The following EIF4EBP2 variants were observed in gnomAD, a reference collection of about 807,000 sequenced individuals.
EIF4EBP2 encodes eukaryotic translation initiation factor 4E-binding protein 2.
EIF4EBP2 carries 5 observed loss-of-function variants against 10.3 expected under a neutral mutation model. That is an observed-to-expected ratio of 0.48 (90% CI 0.25 to 1.02). The LOEUF is 1.02. EIF4EBP2 is among the 50% of genes least tolerant of loss of function. The pLI, the probability that EIF4EBP2 is intolerant of heterozygous loss-of-function variation, is 0.15. For synonymous variants in EIF4EBP2, 67 were observed against 61.1 expected (o/e 1.10, Z -0.45); for missense variants, 188 against 162.2 (o/e 1.16, Z -0.86).
chr10:70,404,782 C>T (rs1194231326), intron 1 of EIF4EBP2, among the ~76,000 whole-genome samples: 1 of 152,236 alleles, frequency 6.6e-6, no homozygotes, highest in Non-Finnish European at 1.5e-5. Context: ...CGAAAAAGAG[C>T]TCTTGTTTCC....
In EIF4EBP2 at chr10:70,422,814, G is replaced by C. The variant is rs549736568; in HGVS notation, c.*1067G>C. 1.3e-5 allele frequency: 2 copies of C among 152,314 alleles called. No homozygotes were observed. The highest frequency in any genetic ancestry group is 4.8e-5 in the African/African-American group (2 of 41,562). The allele number at this position is 152,314 out of a possible 1,614,324, so 9.4% of individuals were successfully genotyped here. A position where few individuals can be genotyped will look rare whatever the true frequency, so the allele number is the denominator to read the frequency against. On this transcript the variant is annotated 3_prime_UTR_variant, in exon 3 of 3. Transcript: ENST00000373218. ...TTGCAGTTTCTTATGTTTTGAGTTT[G>C]AAGTTGATTTTCAGAATGTTCTTAG... is the stretch of plus-strand genomic sequence containing the variant.
chr10:70,421,080 C>G (rs2137232560), intron 2 of EIF4EBP2, among the ~76,000 whole-genome samples: 1 of 152,318 alleles, frequency 6.6e-6, no homozygotes. Context: ...CAGGTGTGAG[C>G]CACTGCGCCT....
chr10:70,418,538 A>G (rs1845121771), intron 1 of EIF4EBP2, among the ~76,000 whole-genome samples: 1 of 152,228 alleles, frequency 6.6e-6, no homozygotes, highest in African/African-American at 2.4e-5. Context: ...CTTAGGTCAC[A>G]ACATAGTATA....
chr10:70,415,875 A>C (rs1007454057), intron 1 of EIF4EBP2, among the ~76,000 whole-genome samples: 2 of 147,924 alleles, frequency 1.4e-5, no homozygotes, highest in Admixed American at 1.3e-4. Flanking sequence ...AAACAAAAGA[A>C]AAAAAAAAAA....
chr10:70,417,249 CTG>C (rs756360532), intron 1 of EIF4EBP2, among the ~76,000 whole-genome samples: 50 of 152,186 alleles, frequency 3.3e-4, no homozygotes, highest in South Asian at 3.1e-3. Context: ...TCACAAAAGA[CTG>C]TATTGTATGA....
At chr10:70,410,444 G>A (rs951996240) in intron 1 of EIF4EBP2, among the ~76,000 whole-genome samples, 1 of 152,198 alleles carries the variant, frequency 6.6e-6, no homozygotes, top group Non-Finnish European at 1.5e-5. Context: ...AGTGAATGTG[G>A]TTTGGCCACC....
chr10:70,405,503 T>A (rs1472251826), intron 1 of EIF4EBP2, among the ~76,000 whole-genome samples: 1 of 152,162 alleles, frequency 6.6e-6, no homozygotes, highest in African/African-American at 2.4e-5. Context: ...GGAAAGCGAT[T>A]TTGAGGAGCC....
intron 1 of EIF4EBP2, among the ~76,000 whole-genome samples, chr10:70,406,222 G>A (rs997518535): frequency 6.6e-6 from 1 of 152,088 alleles, no homozygotes; most frequent in Non-Finnish European, 1.5e-5. Context: ...TATTCGCCCC[G>A]TCAGCCTCCC....
chr10:70,411,695 C>G (rs1845048494), intron 1 of EIF4EBP2, among the ~76,000 whole-genome samples: 1 of 152,066 alleles, frequency 6.6e-6, no homozygotes. Context: ...GCTCAGATGA[C>G]CCTCTTGCCT....
intron 1 of EIF4EBP2, among the ~76,000 whole-genome samples, chr10:70,405,513 C>A (rs1237516222): frequency 2.0e-5 from 3 of 152,208 alleles, no homozygotes; most frequent in Non-Finnish European, 4.4e-5. Context: ...TTTGAGGAGC[C>A]TTATTGAAGG....
intron 1 of EIF4EBP2, among the ~76,000 whole-genome samples, chr10:70,416,918 C>T (rs1178676587): frequency 1.3e-5 from 2 of 152,094 alleles, no homozygotes; most frequent in African/African-American, 4.8e-5. Context: ...ACACGTTGGC[C>T]TCCCAAAGTG....
In EIF4EBP2 at chr10:70,416,100, G is replaced by A. The variant is rs550231948; in HGVS notation, c.146-3814G>A. On this transcript the variant is annotated intron_variant, in intron 1 of 2. Coordinates refer to ENST00000373218, the MANE Select transcript of EIF4EBP2 (RefSeq NM_004096.5). Reference sequence around the variant, plus strand: ...CAGTTTCTTCAAAAGAAGATATGTGGTGGAATGGCCTGTTAAGTACATGAA... The same window carrying A: ...CAGTTTCTTCAAAAGAAGATATGTGATGGAATGGCCTGTTAAGTACATGAA... Among the ~76,000 whole-genome samples, 3 of 152,254 alleles carry A rather than the reference G, an allele frequency of 2.0e-5. No individual in the cohort carries two copies. In the South Asian group the frequency reaches 6.2e-4, roughly 32 times the overall value.
chr10:70,405,337 CAG>C (rs531091001), intron 1 of EIF4EBP2, among the ~76,000 whole-genome samples: 5 of 152,238 alleles, frequency 3.3e-5, no homozygotes, highest in African/African-American at 1.2e-4. Context: ...AGAGGCAATC[CAG>C]AGAGAGGGTG....
intron 1 of EIF4EBP2, among the ~76,000 whole-genome samples, chr10:70,416,526 C>A (rs1171024936): frequency 6.7e-6 from 1 of 148,408 alleles, no homozygotes; most frequent in East Asian, 2.0e-4. Context: ...TTGCAGTGAG[C>A]CAAGATCATG....
chr10:70,426,121 A>T lies in EIF4EBP2; in HGVS notation c.*4374A>T, dbSNP rs1242646906. ...TTCTTAAATAACTGGTCTTGTGTTC[A>T]TGCTAAAGACAAACTTACATGAAGT... On this transcript the variant is annotated 3_prime_UTR_variant, in exon 3 of 3. Coordinates refer to ENST00000373218, the MANE Select transcript of EIF4EBP2 (RefSeq NM_004096.5). 6.6e-6 allele frequency: 1 copy of T among 152,248 alleles called. No individual in the cohort carries two copies. The highest frequency in any genetic ancestry group is 1.5e-5 in the Non-Finnish European group (1 of 68,050). 9.4% of individuals were successfully genotyped at this position (152,248 alleles called of 1,614,324 possible). A position where few individuals can be genotyped will look rare whatever the true frequency, so the allele number is the denominator to read the frequency against.
chr10:70,404,327 G>A lies in EIF4EBP2; in HGVS notation c.-75G>A. ...GCAGAGCGCGCTTTTCCGTCCGCCT[G>A]AGGAGCCGAAGCAGCCCCGGCCCCG... On this transcript the variant is annotated 5_prime_UTR_variant, in exon 1 of 3. Coordinates refer to ENST00000373218, the MANE Select transcript of EIF4EBP2 (RefSeq NM_004096.5). 2 of 1,452,996 alleles carry A rather than the reference G, an allele frequency of 1.4e-6. No homozygotes were observed. The highest frequency in any genetic ancestry group is 1.8e-6 in the Non-Finnish European group (2 of 1,107,168). 90.0% of individuals were successfully genotyped at this position (1,452,996 alleles called of 1,614,324 possible).
intron 1 of EIF4EBP2, among the ~76,000 whole-genome samples, chr10:70,408,215 C>G (rs1257853583): frequency 5.4e-5 from 8 of 148,994 alleles, no homozygotes; most frequent in Non-Finnish European, 1.2e-4. Flanking sequence ...GGCTGACCCC[C>G]CCACCTCCTT....
chr10:70,420,363 C>A (rs755578241), intron 2 of EIF4EBP2, among the ~76,000 whole-genome samples: 5 of 151,806 alleles, frequency 3.3e-5, no homozygotes, highest in Admixed American at 3.3e-4. Context: ...CCACGCCTGG[C>A]AAATTTTTGT....
rs1160955042 is a variant in EIF4EBP2 at position 70,421,877 on chromosome 10, C to T, written c.*130C>T. The T allele has an allele frequency of 1.7e-5, 13 of 779,604 alleles. No homozygotes were observed. The highest frequency in any genetic ancestry group is 3.5e-5 in the South Asian group (2 of 57,374). The allele number at this position is 779,604 out of a possible 1,614,324, so 48.3% of individuals were successfully genotyped here. A position where few individuals can be genotyped will look rare whatever the true frequency, so the allele number is the denominator to read the frequency against. ...GTCCCCATTACAGTCTCCACCTCCC[C>T]GTCTTCCTCTGGGTGCCAAATGATG... is the stretch of plus-strand genomic sequence containing the variant. On this transcript the variant is annotated 3_prime_UTR_variant, in exon 3 of 3. Coordinates refer to ENST00000373218, the MANE Select transcript of EIF4EBP2 (RefSeq NM_004096.5).
Sources: gnomAD v4.1 joint callset for allele counts (sites outside exome capture counted in the v4.1 genomes callset) on GRCh38, gnomAD v4.1.1 for gene constraint, MANE v1.5 for transcripts, NCBI Gene and HGNC (gene_info 2026-07-23, HGNC 2026-07-21) for gene names.